The following REEP4 variants were observed in gnomAD, a reference collection of about 807,000 sequenced individuals.
REEP4 encodes the protein receptor expression-enhancing protein 4.
In REEP4, 17 loss-of-function variants were observed where a neutral mutation model predicts 33.5. The observed-to-expected ratio is 0.51, with a 90% CI of 0.35 to 0.76. The LOEUF is 0.76. REEP4 is among the 30% of genes least tolerant of loss of function. The probability of loss-of-function intolerance (pLI) is 0.01; values close to 1 mark genes in which losing one functional copy is unlikely to be tolerated. For missense variants in REEP4, 340 were observed against 357.9 expected, an observed-to-expected ratio of 0.95 and a Z score of 0.40; for synonymous variants, 157 against 142.9, an observed-to-expected ratio of 1.10 and a Z score of -0.70.
Position 22,138,447 on chromosome 8 carries a change from T to G in REEP4, c.*40A>C. The G allele has an allele frequency of 6.2e-7, 1 of 1,609,654 alleles. No homozygotes were observed. Among genetic ancestry groups the G allele is most frequent in the Non-Finnish European group, 8.5e-7 (1 of 1,178,784 alleles). On this transcript the variant is annotated 3_prime_UTR_variant, in exon 8 of 8. Transcript: ENST00000306306. ...GTCCCTCCAAATAGCCCTGGAGCCC[T>G]GCAGGGCACGAGGTAAGAAGGGGGC...
rs563838828 is a variant in REEP4, at chr8:22,139,453, T to C, written c.380A>G (p.Asn127Ser). 9 of 1,609,592 alleles carry C rather than the reference T, an allele frequency of 5.6e-6. No homozygotes were observed. The African/African-American group carries it at 1.2e-4, about 21-fold the overall frequency. ...CTGCACAGCAGCGGAGGCGGCAATGTTGAGGCCCCGCTTCCCGAAGCTGAG... is the reference window on the plus strand; with the variant it reads ...CTGCACAGCAGCGGAGGCGGCAATGCTGAGGCCCCGCTTCCCGAAGCTGAG... ...TVLSFGKRGL[N>S]IAASAAVQAA... The change falls in exon 5 of 8, where the codon AAC becomes AGC. Residue 127 changes from asparagine (N) to serine (S), a missense_variant. By Grantham distance (46) the Asn-to-Ser change is conservative. Coordinates refer to ENST00000306306, the MANE Select transcript of REEP4 (RefSeq NM_025232.4).
At chr8:22,141,027 C>T (rs1827221811) in intron 1 of REEP4, among the ~76,000 whole-genome samples, 1 of 152,248 alleles carries the variant, frequency 6.6e-6, no homozygotes, top group African/African-American at 2.4e-5. Flanking sequence ...CCTGACACTG[C>T]TGGGTTGCAG....
chr8:22,140,393 C>A, intron 2 of REEP4, 145 bp from the exon 3 acceptor site: 1 of 936,440 alleles, frequency 1.1e-6, no homozygotes, highest in South Asian at 1.4e-5. Flanking sequence ...CTCTGAGAAA[C>A]TGCTGCTCAT....
In REEP4 at chr8:22,138,645, C is replaced by T; in HGVS notation, c.702G>A (p.Val234=). 6.2e-7 allele frequency: 1 copy of T among 1,613,984 alleles called. No individual in the cohort carries two copies. Among genetic ancestry groups the T allele is most frequent in the Non-Finnish European group, 8.5e-7 (1 of 1,180,042 alleles). The change falls in exon 7 of 8, where the codon GTG becomes GTA. Residue 234 remains valine, a synonymous_variant. Transcript: ENST00000306306. ...SLRVVKRKPP[V]REGTSRSLKV... is the part of the protein sequence containing the mutation. Reference sequence around the variant, plus strand: ...GTCGTCCTCCCACACTGACCTCCCGCACCGGTGGCTTCCTCTTGACCACAC... The same window carrying T: ...GTCGTCCTCCCACACTGACCTCCCGTACCGGTGGCTTCCTCTTGACCACAC...
At chr8:22,141,337 G>A (rs1156500148) in intron 1 of REEP4, 114 bp downstream of exon 1, 2 of 1,270,642 alleles carry the variant, frequency 1.6e-6, no homozygotes, top group African/African-American at 3.1e-5. Flanking sequence ...CTTGCATGGA[G>A]TGCTGGAGGG....
intron 7 of REEP4, 38 bp downstream of exon 7, chr8:22,138,601 C>T: frequency 6.2e-7 from 1 of 1,613,940 alleles, no homozygotes; most frequent in Non-Finnish European, 8.5e-7. Flanking sequence ...CACCAGCCAG[C>T]AGAGCCCTCC....
chr8:22,138,722 G>C lies in REEP4; in HGVS notation c.625C>G (p.Arg209Gly). The C allele has an allele frequency of 2.5e-6, 4 of 1,612,826 alleles. No homozygotes were observed. Among genetic ancestry groups the C allele is most frequent in the Middle Eastern group, 1.7e-4 (1 of 6,052 alleles). Residue 209 changes from arginine (R) to glycine (G), a missense_variant, in exon 7 of 8, where the codon CGG becomes GGG. Physicochemically the swap from Arg to Gly is moderately radical, Grantham distance 125. Transcript: ENST00000306306. ...ECWSDTEAVP[R>G]APARPREKPL... ...TTCTCTCGGGGCCGGGCTGGCGCCC[G>C]GGGGACTGCCTCAGTATCTGACCAA... is the stretch of plus-strand genomic sequence containing the variant.
intron 6 of REEP4, 58 bp from the exon 7 acceptor site, chr8:22,138,851 C>A: frequency 2.6e-6 from 4 of 1,557,384 alleles, no homozygotes; most frequent in Non-Finnish European, 3.5e-6. Flanking sequence ...CTTCCTCGAG[C>A]CTTGGGGGAA....
chr8:22,139,013 G>C lies in REEP4; in HGVS notation c.466C>G (p.Leu156Val). 1 of 1,603,478 alleles carries C rather than the reference G, an allele frequency of 6.2e-7. No individual in the cohort carries two copies. The highest frequency in any genetic ancestry group is 1.1e-5 in the South Asian group (1 of 89,612). The change falls in exon 6 of 8, where the codon CTG (leucine) becomes GTG (valine). Residue 156 changes from leucine to valine, a missense_variant. Leu to Val is a conservative substitution (Grantham distance 32, BLOSUM62 1). Coordinates refer to ENST00000306306, the MANE Select transcript of REEP4 (RefSeq NM_025232.4). ...GCAGGTGCGTCAGAGATGGAGCGCA[G>C]GTCCTGCATGGAGAAGCTCCGCAGC... is the stretch of plus-strand genomic sequence containing the variant. Reference protein sequence around the residue: ...GRLRSFSMQDLRSISDAPAPA... With the variant: ...GRLRSFSMQDVRSISDAPAPA...
In REEP4 at chr8:22,139,427, C is replaced by T; in HGVS notation, c.406G>A (p.Ala136Thr). The T allele has an allele frequency of 6.2e-7, 1 of 1,606,114 alleles. No homozygotes were observed. ...LNIAASAAVQ[A>T]ATKSQGALAG... ...GGGGCCCAGAGCACCTTGGTGGCAGCCTGCACAGCAGCGGAGGCGGCAATG... is the reference window on the plus strand; with the variant it reads ...GGGGCCCAGAGCACCTTGGTGGCAGTCTGCACAGCAGCGGAGGCGGCAATG... Residue 136 changes from alanine to threonine, a missense_variant, in exon 5 of 8, where the codon GCT becomes ACT. Ala to Thr is a moderately conservative substitution (Grantham distance 58, BLOSUM62 0). Transcript: ENST00000306306.
chr8:22,140,546 C>T lies in REEP4; in HGVS notation c.105+79G>A, dbSNP rs1186359588. 10 of 1,270,068 alleles carry T rather than the reference C, an allele frequency of 7.9e-6. No individual in the cohort carries two copies. In the Admixed American group the frequency reaches 9.2e-5, roughly 12 times the overall value. 78.7% of individuals were successfully genotyped at this position (1,270,068 alleles called of 1,614,324 possible). On this transcript the variant is annotated intron_variant, in intron 2 of 7. Coordinates refer to ENST00000306306, the MANE Select transcript of REEP4 (RefSeq NM_025232.4). ...TCAGGATGTGCCACACAGCCTTGCC[C>T]CTGGAGGAGGGAGAGGCCAACTGAG...
intron 4 of REEP4, 52 bp from the exon 5 acceptor site, chr8:22,139,581 C>T (rs774867152): frequency 4.2e-6 from 6 of 1,420,860 alleles, no homozygotes; most frequent in Non-Finnish European, 5.8e-6. Context: ...AGTCCCTCTT[C>T]CTCTGCAGAT....
At chr8:22,140,998 C>T (rs561215971) in intron 1 of REEP4, among the ~76,000 whole-genome samples, 1 of 152,368 alleles carries the variant, frequency 6.6e-6, no homozygotes, top group African/African-American at 2.4e-5. Context: ...GGCATGCAAT[C>T]AGGCCCAGGG....
chr8:22,139,697 C>A, intron 4 of REEP4, 168 bp from the exon 5 acceptor site: 1 of 677,304 alleles, frequency 1.5e-6, no homozygotes. Flanking sequence ...AGGGCTGCCA[C>A]CCGCTCACAC....
chr8:22,139,874 C>T (rs1434060746), intron 4 of REEP4, 89 bp downstream of exon 4: 6 of 1,484,648 alleles, frequency 4.0e-6, no homozygotes, highest in Admixed American at 4.1e-5. Context: ...GATAGAACCC[C>T]GGTGTCCCCA....
At chr8:22,139,244 C>A in intron 5 of REEP4, 172 bp downstream of exon 5, 1 of 981,840 alleles carries the variant, frequency 1.0e-6, no homozygotes, top group Non-Finnish European at 1.6e-6. Context: ...AGTGCCAGAG[C>A]CAGGAAGGAA....
intron 6 of REEP4, 39 bp downstream of exon 6, chr8:22,138,887 T>C (rs1563199117): frequency 6.5e-7 from 1 of 1,548,192 alleles, no homozygotes; most frequent in East Asian, 2.3e-5. Context: ...AAGGAAGCCA[T>C]CCCTCCTGGC....
At position 22,140,161 on chromosome 8, in the gene REEP4, T is replaced by A. The variant is rs557362620; in HGVS notation, c.182+11A>T. 6.2e-7 allele frequency: 1 copy of A among 1,613,826 alleles called. No homozygotes were observed. Among genetic ancestry groups the A allele is most frequent in the South Asian group, 1.1e-5 (1 of 91,084 alleles). On this transcript the variant is annotated intron_variant, in intron 3 of 7. Transcript: ENST00000306306. ...CCCCTGACCCATGGCTTGCGGACCC[T>A]GCGTCCATACCAGGAGATAAAAATG...
At position 22,141,601 on chromosome 8, in the gene REEP4, G is replaced by A; in HGVS notation, c.-119C>T. ...CGGGAAGCAGAGGGGCGATCCGGCT[G>A]TCCCTCGGCGGAGGCAGAGCCCGCC... On this transcript the variant is annotated 5_prime_UTR_variant, in exon 1 of 8. Coordinates refer to ENST00000306306, the MANE Select transcript of REEP4 (RefSeq NM_025232.4). 1 of 1,080,622 alleles carries A rather than the reference G, an allele frequency of 9.3e-7. No individual in the cohort carries two copies. The allele number at this position is 1,080,622 out of a possible 1,614,324, so 66.9% of individuals were successfully genotyped here. A position where few individuals can be genotyped will look rare whatever the true frequency, so the allele number is the denominator to read the frequency against.
Sources: allele counts gnomAD v4.1 joint callset (sites outside exome capture counted in the v4.1 genomes callset), GRCh38; gene constraint gnomAD v4.1.1; transcripts MANE v1.5; gene names NCBI Gene and HGNC (gene_info 2026-07-23, HGNC 2026-07-21).